EYA2: variants seen among roughly 807,000 people sequenced by gnomAD.
EYA2 encodes the protein EYA transcriptional coactivator and phosphatase 2.
Under a neutral mutation model 69.2 loss-of-function variants are expected in EYA2, and 31 were observed. That is an observed-to-expected ratio of 0.45 (90% CI 0.34 to 0.60). The LOEUF is 0.60. Among genes scored for constraint, EYA2 ranks in the 20% least tolerant of loss-of-function variants. The pLI, the probability that EYA2 is intolerant of heterozygous loss-of-function variation, is 0.02. For missense variants in EYA2, 622 were observed against 701.2 expected (o/e 0.89, Z 1.28); for synonymous variants, 257 against 279.4 (o/e 0.92, Z 0.80).
rs559207517 is a variant in EYA2, at chr20:46,962,265, G to A, written c.-10-27736G>A. Reference sequence around the variant, plus strand: ...TGGTCTTGAACTCTTGGTCTCAAGCGATCCTCCTTTCTCTGCCTCCCAAAG... The same window carrying A: ...TGGTCTTGAACTCTTGGTCTCAAGCAATCCTCCTTTCTCTGCCTCCCAAAG... On this transcript the variant is annotated intron_variant, in intron 1 of 15. Transcript: ENST00000327619. Among the ~76,000 whole-genome samples, 18 of 152,222 alleles carry A rather than the reference G, an allele frequency of 1.2e-4. No homozygotes were observed. In the South Asian group the frequency reaches 1.2e-3, roughly 11 times the overall value.
intron 10 of EYA2, among the ~76,000 whole-genome samples, chr20:47,147,121 G>T (rs955173044): frequency 7.0e-6 from 1 of 142,140 alleles, no homozygotes; most frequent in African/African-American, 2.6e-5. Flanking sequence ...CGATCTTGTC[G>T]CACTGCAACC....
chr20:47,187,089 C>G (rs2034657667), intron 15 of EYA2, among the ~76,000 whole-genome samples: 1 of 151,896 alleles, frequency 6.6e-6, no homozygotes, highest in Non-Finnish European at 1.5e-5. Flanking sequence ...CGAAATTCAG[C>G]TGGGCACAAT....
At chr20:47,047,086 T>C (rs994660827) in intron 5 of EYA2, among the ~76,000 whole-genome samples, 1 of 152,196 alleles carries the variant, frequency 6.6e-6, no homozygotes, top group African/African-American at 2.4e-5. Flanking sequence ...ATTTTTTTTC[T>C]CTTTTCAAAG....
intron 10 of EYA2, among the ~76,000 whole-genome samples, chr20:47,149,008 TG>T (rs1011940001): frequency 2.0e-5 from 3 of 151,062 alleles, no homozygotes; most frequent in African/African-American, 7.3e-5. Flanking sequence ...AAGAAGAGAT[TG>T]GGGAGGCCTG....
intron 1 of EYA2, among the ~76,000 whole-genome samples, chr20:46,980,271 C>G (rs1032041354): frequency 6.6e-6 from 1 of 152,190 alleles, no homozygotes. Context: ...CGTAAATGCT[C>G]TGTAACTGTG....
intron 10 of EYA2, 28 bp from the exon 11 acceptor site, chr20:47,169,101 TTCTCTCTCTC>T (rs35639959): frequency 6.7e-7 from 1 of 1,482,948 alleles, no homozygotes; most frequent in Non-Finnish European, 9.3e-7. Context: ...ACCAGGCATG[TTCTCTCTCTC>T]TCTCTCTCTC....
intron 2 of EYA2, among the ~76,000 whole-genome samples, chr20:46,992,259 G>A (rs908316061): frequency 6.6e-6 from 1 of 152,172 alleles, no homozygotes; most frequent in African/African-American, 2.4e-5. Flanking sequence ...ACTCTAAAAA[G>A]TGGGTACTGT....
intron 13 of EYA2, among the ~76,000 whole-genome samples, chr20:47,180,184 C>T (rs929312844): frequency 2.1e-5 from 3 of 145,668 alleles, no homozygotes; most frequent in African/African-American, 8.0e-5. Context: ...AGGTGTGCAC[C>T]ACCACACCTA....
At chr20:47,073,576 C>T (rs1393374579) in intron 6 of EYA2, among the ~76,000 whole-genome samples, 1 of 151,910 alleles carries the variant, frequency 6.6e-6, no homozygotes, top group Non-Finnish European at 1.5e-5. Context: ...ACTGCATATA[C>T]CAGGCACTGT....
In EYA2 at chr20:47,054,417, G is replaced by A. The variant is rs186946051; in HGVS notation, c.416-17768G>A. On this transcript the variant is annotated intron_variant, in intron 5 of 15. Coordinates refer to ENST00000327619, the MANE Select transcript of EYA2 (RefSeq NM_005244.5). ...GGCTGGTGATGAAAAAATATTTGTC[G>A]AATTCATGAATCCGTCAGTTTCACT... Among the ~76,000 whole-genome samples, 145 of 152,218 alleles carry A rather than the reference G, an allele frequency of 9.5e-4. 1 individual carries two copies. The highest frequency in any genetic ancestry group is 1.2e-3 in the Non-Finnish European group (83 of 68,004).
intron 5 of EYA2, among the ~76,000 whole-genome samples, chr20:47,027,744 A>G (rs1030579574): frequency 5.3e-5 from 8 of 152,170 alleles, no homozygotes; most frequent in African/African-American, 1.9e-4. Flanking sequence ...GATGATGGAA[A>G]TCCTCTGAGT....
intron 8 of EYA2, among the ~76,000 whole-genome samples, chr20:47,091,576 C>CAAAAA (rs11313572): frequency 2.4e-5 from 2 of 83,276 alleles, no homozygotes; most frequent in South Asian, 4.9e-4. Flanking sequence ...CCATCTCTAC[C>CAAAAA]AAAAAAAAAA....
intron 9 of EYA2, among the ~76,000 whole-genome samples, chr20:47,113,309 G>A (rs2032802859): frequency 6.6e-6 from 1 of 152,200 alleles, no homozygotes; most frequent in Non-Finnish European, 1.5e-5. Context: ...GAGCAGGAGT[G>A]ATGAGGTGGC....
intron 14 of EYA2, among the ~76,000 whole-genome samples, chr20:47,181,408 G>A (rs781195607): frequency 2.0e-5 from 3 of 152,154 alleles, no homozygotes; most frequent in Non-Finnish European, 4.4e-5. Flanking sequence ...TAGCAGGTCT[G>A]GTATTTGAAG....
chr20:47,016,154 C>CT (rs567374244), intron 4 of EYA2, 27 bp from the exon 5 acceptor site: 75 of 1,550,332 alleles, frequency 4.8e-5, no homozygotes, highest in Non-Finnish European at 5.5e-5. Context: ...GTCCTTGGTC[C>CT]TTTTTTTTCC....
chr20:47,007,369 A>T (rs1348618235), intron 4 of EYA2, among the ~76,000 whole-genome samples: 1 of 152,236 alleles, frequency 6.6e-6, no homozygotes, highest in Non-Finnish European at 1.5e-5. Context: ...AGAGATAGCC[A>T]TGTGCAGGCA....
intron 1 of EYA2, among the ~76,000 whole-genome samples, chr20:46,964,141 C>T (rs149557472): frequency 6.6e-6 from 1 of 152,314 alleles, no homozygotes; most frequent in East Asian, 1.9e-4. Flanking sequence ...AAGGTGTACA[C>T]TGCACTGCAT....
chr20:47,111,789 G>A (rs2146541435), intron 9 of EYA2, among the ~76,000 whole-genome samples: 1 of 152,306 alleles, frequency 6.6e-6, no homozygotes, highest in Middle Eastern at 3.4e-3. Context: ...TTCAGAGGGT[G>A]AAGATGTAAG....
At chr20:47,051,042 A>C (rs1230610548) in intron 5 of EYA2, among the ~76,000 whole-genome samples, 1 of 152,244 alleles carries the variant, frequency 6.6e-6, no homozygotes, top group Non-Finnish European at 1.5e-5. Context: ...TACTGCCAGG[A>C]AACTTTAGAA....
Sources: allele counts gnomAD v4.1 joint callset (sites outside exome capture counted in the v4.1 genomes callset), GRCh38; gene constraint gnomAD v4.1.1; transcripts MANE v1.5; gene names NCBI Gene and HGNC (gene_info 2026-07-23, HGNC 2026-07-21).